Variants in ATPAF2 observed in about 807,000 individuals in gnomAD.
ATPAF2 encodes ATP synthase mitochondrial F1 complex assembly factor 2.
A neutral mutation model predicts 36.6 loss-of-function variants in ATPAF2; 30 were observed. That is an observed-to-expected ratio of 0.82 (90% confidence interval 0.61 to 1.11). ATPAF2 has a LOEUF of 1.11. Among genes scored for constraint, ATPAF2 ranks in the 50% most tolerant of loss-of-function variants. The pLI is 0.00. For synonymous variants in ATPAF2, 140 were observed against 152.6 expected (o/e 0.92, Z 0.61); for missense variants, 321 against 372.3 (o/e 0.86, Z 1.13).
Position 18,018,618 on chromosome 17 carries a change from G to A in ATPAF2, c.801C>T (p.Ala267=), listed in dbSNP as rs762729719. ...AGAGATGGATGAAGAGGGTGCCGGC[G>A]GCGGTGCGGGCCCGCAGCTCCTGCA... ...YELQELRART[A]AGTLFIHLCS... is the part of the protein sequence containing the mutation. Residue 267 remains alanine, a synonymous_variant, in exon 8 of 8, where the codon GCC becomes GCT. Coordinates refer to ENST00000474627, the MANE Select transcript of ATPAF2 (RefSeq NM_145691.4). The A allele has an allele frequency of 1.8e-5, 29 of 1,613,878 alleles. No individual in the cohort carries two copies. The highest frequency in any genetic ancestry group is 2.2e-5 in the East Asian group (1 of 44,876).
chr17:18,015,913 TC>T, downstream of ATPAF2: 1 of 755,762 alleles, frequency 1.3e-6, no homozygotes, highest in South Asian at 1.8e-5. Flanking sequence ...CACAGATGAA[TC>T]GGCAGAGTGC....
In ATPAF2 at chr17:18,026,397, G is replaced by C; in HGVS notation, c.344C>G (p.Ser115Ter). 1 of 1,614,206 alleles carries C rather than the reference G, an allele frequency of 6.2e-7. No individual in the cohort carries two copies. The highest frequency in any genetic ancestry group is 8.5e-7 in the Non-Finnish European group (1 of 1,180,032). ...GTTTCTCTGGGTTGGGTTGTCCAAT[G>C]ATGTGTTGCACAATGTGGTCTGAAT... ...TMHLTTLCNT[S>*]LDNPTQRNKD... The change falls in exon 4 of 8, where the codon TCA becomes TGA. Residue 115 changes from serine to a stop codon, truncating the protein, a stop_gained. Transcript: ENST00000474627. LOFTEE classifies it high-confidence loss of function.
At chr17:18,019,185 A>ACACACACACACACACACACC (rs1313379853) in intron 7 of ATPAF2, among the ~76,000 whole-genome samples, 4 of 146,356 alleles carry the variant, frequency 2.7e-5, no homozygotes, top group East Asian at 4.0e-4. Flanking sequence ...ACACACACAC[A>ACACACACACACACACACACC]CCCCACCACC....
intron 5 of ATPAF2, 120 bp downstream of exon 5, chr17:18,024,504 C>T (rs1383647948): frequency 4.8e-6 from 4 of 839,050 alleles, no homozygotes; most frequent in Non-Finnish European, 8.0e-6. Context: ...CCCACGAGTG[C>T]TCTGAAATCA....
intron 1 of ATPAF2, 27 bp downstream of exon 1, chr17:18,038,854 A>T (rs372501253): frequency 1.9e-6 from 3 of 1,612,782 alleles, no homozygotes; most frequent in East Asian, 2.2e-5. Context: ...CTCGGCCCCA[A>T]CCCAAAAGAA....
chr17:18,024,014 T>C (rs536830983), intron 5 of ATPAF2, among the ~76,000 whole-genome samples: 2 of 152,380 alleles, frequency 1.3e-5, no homozygotes, highest in African/African-American at 4.8e-5. Context: ...TGCAGGAAGC[T>C]ATCCAGACTT....
intron 2 of ATPAF2, 62 bp from the exon 3 acceptor site, chr17:18,028,439 A>C: frequency 6.3e-7 from 1 of 1,599,874 alleles, no homozygotes; most frequent in Non-Finnish European, 8.5e-7. Context: ...GACCATTCCT[A>C]TATTTAGCCA....
chr17:18,036,566 ACT>A (rs1421104417), intron 1 of ATPAF2, among the ~76,000 whole-genome samples: 1 of 149,732 alleles, frequency 6.7e-6, no homozygotes, highest in South Asian at 2.1e-4. Context: ...ACAGTGCAAG[ACT>A]CTGTCTCAAA....
intron 5 of ATPAF2, among the ~76,000 whole-genome samples, chr17:18,022,412 G>T (rs1302769408): frequency 1.3e-5 from 2 of 151,980 alleles, no homozygotes; most frequent in Non-Finnish European, 2.9e-5. Context: ...CTCCCAAGTA[G>T]CTGGGACTAC....
At chr17:18,033,233 G>A (rs1741004917) in intron 1 of ATPAF2, among the ~76,000 whole-genome samples, 2 of 151,864 alleles carry the variant, frequency 1.3e-5, no homozygotes, top group South Asian at 4.1e-4. Context: ...GCGAGGTGTG[G>A]TATTGCCTGC....
chr17:18,037,630 A>G (rs2044723039), intron 1 of ATPAF2, among the ~76,000 whole-genome samples: 1 of 152,212 alleles, frequency 6.6e-6, no homozygotes. Flanking sequence ...AGAACTTGAC[A>G]GCCAGAAAGA....
chr17:18,018,144 A>G lies in ATPAF2; in HGVS notation c.*405T>C. On this transcript the variant is annotated 3_prime_UTR_variant, in exon 8 of 8. Transcript: ENST00000474627. Reference sequence around the variant, plus strand: ...TTTCCCCAGTGCAAGGTTCCTGACCACAGGCAGCAGATATCCAAACACGCC... The same window carrying G: ...TTTCCCCAGTGCAAGGTTCCTGACCGCAGGCAGCAGATATCCAAACACGCC... 3.7e-6 allele frequency: 1 copy of G among 273,660 alleles called. No individual in the cohort carries two copies. Among genetic ancestry groups the G allele is most frequent in the South Asian group, 4.2e-5 (1 of 23,796 alleles). The allele number at this position is 273,660 out of a possible 1,614,324, so 17.0% of individuals were successfully genotyped here.
chr17:18,019,185 ACCC>A (rs1491115894), intron 7 of ATPAF2, among the ~76,000 whole-genome samples: 3 of 146,234 alleles, frequency 2.1e-5, no homozygotes, highest in Non-Finnish European at 4.5e-5. Flanking sequence ...ACACACACAC[ACCC>A]CACCACCCCA....
intron 1 of ATPAF2, among the ~76,000 whole-genome samples, chr17:18,030,984 T>C (rs1383696388): frequency 7.1e-6 from 1 of 141,322 alleles, no homozygotes; most frequent in Non-Finnish European, 1.5e-5. Flanking sequence ...TTTTTTTTTT[T>C]TTTTTTGAGA....
intron 7 of ATPAF2, 21 bp from the exon 8 acceptor site, chr17:18,018,707 G>A: frequency 3.7e-6 from 6 of 1,613,828 alleles, no homozygotes; most frequent in Non-Finnish European, 4.2e-6. Context: ...GACAAGACAA[G>A]TTGCTGGGTG....
intron 5 of ATPAF2, among the ~76,000 whole-genome samples, chr17:18,023,071 G>A (rs1044255774): frequency 6.7e-6 from 1 of 149,876 alleles, no homozygotes; most frequent in Admixed American, 6.7e-5. Flanking sequence ...GGAGCTTGCA[G>A]TGAGCTGAGA....
At chr17:18,032,067 T>C (rs1283861662) in intron 1 of ATPAF2, among the ~76,000 whole-genome samples, 1 of 152,106 alleles carries the variant, frequency 6.6e-6, no homozygotes, top group Admixed American at 6.5e-5. Flanking sequence ...CTGGGCTGCA[T>C]GTATAAAAGC....
At chr17:18,017,171 CAAAAAAAAAAAAAAAAAA>C (rs59274380), downstream of ATPAF2, among the ~76,000 whole-genome samples, 645 of 43,642 alleles carry the variant, frequency 0.015, 8 homozygotes, top group Admixed American at 0.017. Context: ...GACTTCGTCT[CAAAAAAAAAAAAAAAAAA>C]AAAAAAAAAA....
At chr17:18,038,768 A>G (rs2145534568) in intron 1 of ATPAF2, 113 bp downstream of exon 1, 1 of 1,489,338 alleles carries the variant, frequency 6.7e-7, no homozygotes, top group East Asian at 2.3e-5. Flanking sequence ...ACTGGCCTGC[A>G]TAACCTCATG....
Sources: allele counts gnomAD v4.1 joint callset (sites outside exome capture counted in the v4.1 genomes callset), GRCh38; gene constraint gnomAD v4.1.1; transcripts MANE v1.5; gene names NCBI Gene and HGNC (gene_info 2026-07-23, HGNC 2026-07-21).